Variants in KCNQ3 observed in about 807,000 individuals in gnomAD.
KCNQ3 encodes potassium voltage-gated channel subfamily Q member 3, also known as potassium voltage-gated channel subfamily KQT member 3.
KCNQ3 carries 30 observed loss-of-function variants against 92.5 expected under a neutral mutation model. The ratio of observed to expected loss-of-function variants is 0.32; its 90% CI spans 0.24 to 0.44. The LOEUF (loss-of-function observed/expected upper bound fraction) is 0.44, where lower values mean the gene tolerates loss of function less well. Ranked by LOEUF, KCNQ3 falls within the 20% of genes least tolerant of loss-of-function variation. The pLI, the probability that KCNQ3 is intolerant of heterozygous loss-of-function variation, is 1.00. For missense variants in KCNQ3, 913 were observed against 1,140.3 expected, an observed-to-expected ratio of 0.80 and a Z score of 2.87; for synonymous variants, 450 against 468.8, an observed-to-expected ratio of 0.96 and a Z score of 0.52.
chr8:132,286,336 C>A (rs560187596), intron 1 of KCNQ3, among the ~76,000 whole-genome samples: 1 of 152,336 alleles, frequency 6.6e-6, no homozygotes, highest in South Asian at 2.1e-4. Context: ...TTCCAGTGTG[C>A]TCAGGAGGCA....
intron 1 of KCNQ3, among the ~76,000 whole-genome samples, chr8:132,325,050 A>C (rs1489456098): frequency 6.7e-6 from 1 of 148,468 alleles, no homozygotes; most frequent in Non-Finnish European, 1.5e-5. Context: ...CCTCATTCCC[A>C]CTGTTTCTAG....
At chr8:132,246,917 T>C (rs961274483) in intron 1 of KCNQ3, among the ~76,000 whole-genome samples, 1 of 152,210 alleles carries the variant, frequency 6.6e-6, no homozygotes, top group Non-Finnish European at 1.5e-5. Context: ...ATAGGGAGAA[T>C]ACTGGCAGCC....
intron 1 of KCNQ3, among the ~76,000 whole-genome samples, chr8:132,343,713 G>A (rs962864778): frequency 2.6e-5 from 4 of 151,944 alleles, no homozygotes; most frequent in African/African-American, 7.3e-5. Flanking sequence ...AGAGATACTC[G>A]CTCCCTGATT....
intron 1 of KCNQ3, among the ~76,000 whole-genome samples, chr8:132,339,931 T>A (rs1818473134): frequency 6.6e-6 from 1 of 151,802 alleles, no homozygotes; most frequent in Non-Finnish European, 1.5e-5. Context: ...TAAAGAAATT[T>A]ACTCTTCTGA....
At chr8:132,262,908 T>G (rs897185296) in intron 1 of KCNQ3, among the ~76,000 whole-genome samples, 2 of 152,218 alleles carry the variant, frequency 1.3e-5, no homozygotes, top group African/African-American at 4.8e-5. Context: ...ATCCTTTAGA[T>G]GAATTGACTC....
At chr8:132,223,800 T>C (rs1281001012) in intron 1 of KCNQ3, among the ~76,000 whole-genome samples, 1 of 152,184 alleles carries the variant, frequency 6.6e-6, no homozygotes, top group African/African-American at 2.4e-5. Flanking sequence ...TCATGGATCT[T>C]ATTGACTTTG....
chr8:132,278,145 T>A, intron 1 of KCNQ3: 11 of 985,320 alleles, frequency 1.1e-5, no homozygotes, highest in Non-Finnish European at 1.3e-5. Context: ...GAATCCCCAT[T>A]TTGTACTCTG....
At chr8:132,394,568 T>G (rs1820142496) in intron 1 of KCNQ3, among the ~76,000 whole-genome samples, 1 of 151,942 alleles carries the variant, frequency 6.6e-6, no homozygotes, top group Admixed American at 6.6e-5. Context: ...TTGAAGGACC[T>G]GAGAGAACTT....
intron 1 of KCNQ3, among the ~76,000 whole-genome samples, chr8:132,206,243 C>T (rs765437388): frequency 6.6e-6 from 1 of 152,242 alleles, no homozygotes. Context: ...CCACAGCCTC[C>T]CAGCCCTCTA....
At chr8:132,221,524 G>A (rs1814237260) in intron 1 of KCNQ3, among the ~76,000 whole-genome samples, 2 of 152,134 alleles carry the variant, frequency 1.3e-5, no homozygotes, top group African/African-American at 4.8e-5. Flanking sequence ...GGTGTGAGAT[G>A]GTATCTCATT....
chr8:132,285,703 G>A (rs1000741255), intron 1 of KCNQ3, among the ~76,000 whole-genome samples: 1 of 152,176 alleles, frequency 6.6e-6, no homozygotes, highest in Non-Finnish European at 1.5e-5. Context: ...GGTTAGAAGG[G>A]AGCTAGGTAA....
chr8:132,182,008 GC>G (rs1826795548), intron 3 of KCNQ3, among the ~76,000 whole-genome samples: 1 of 148,732 alleles, frequency 6.7e-6, no homozygotes, highest in Non-Finnish European at 1.5e-5. Context: ...TCGTGCCACT[GC>G]ACTCCAGCCT....
In KCNQ3 at chr8:132,257,765, A is replaced by AG. The variant is rs1326751116; in HGVS notation, c.387-71585_387-71584insC. Among the ~76,000 whole-genome samples, 242 of 85,082 alleles carry AG rather than the reference A, an allele frequency of 2.8e-3. 1 individual carries two copies. Among genetic ancestry groups the AG allele is most frequent in the African/African-American group, 7.2e-3 (233 of 32,216 alleles). 55.8% of individuals were successfully genotyped at this position (85,082 alleles called of 152,430 possible). A position where few individuals can be genotyped will look rare whatever the true frequency, so the allele number is the denominator to read the frequency against. On this transcript the variant is annotated intron_variant, in intron 1 of 14. Coordinates refer to ENST00000388996, the MANE Select transcript of KCNQ3 (RefSeq NM_004519.4). ...CAGCTCAAAAAAAAAAAAAAAAAAA[A>AG]AGAGAGAGAGAGACAGTTTAGATTT...
chr8:132,388,038 AGAGGAAGAAGAAGAAGAAG>A (rs1819941730), intron 1 of KCNQ3, among the ~76,000 whole-genome samples: 1 of 151,096 alleles, frequency 6.6e-6, no homozygotes, highest in African/African-American at 2.4e-5. Flanking sequence ...AAGAAGAGGA[AGAGGAAGAAGAAGAAGAAG>A]AGAAGAAGAA....
chr8:132,248,616 T>G (rs1436656078), intron 1 of KCNQ3, among the ~76,000 whole-genome samples: 5 of 152,130 alleles, frequency 3.3e-5, no homozygotes, highest in Non-Finnish European at 7.4e-5. Flanking sequence ...ATAGCAGCAC[T>G]CCAATATCCT....
chr8:132,255,021 G>A (rs1563827544), intron 1 of KCNQ3, among the ~76,000 whole-genome samples: 1 of 150,828 alleles, frequency 6.6e-6, no homozygotes, highest in African/African-American at 2.4e-5. Flanking sequence ...CAAGCTGACT[G>A]TTTTTTTTTC....
chr8:132,311,925 G>A (rs1040768507), intron 1 of KCNQ3, among the ~76,000 whole-genome samples: 5 of 152,090 alleles, frequency 3.3e-5, no homozygotes, highest in South Asian at 2.1e-4. Flanking sequence ...CTGGAGTTGC[G>A]TGGGAACTAA....
At chr8:132,269,490 C>T (rs1816087086) in intron 1 of KCNQ3, among the ~76,000 whole-genome samples, 4 of 152,132 alleles carry the variant, frequency 2.6e-5, no homozygotes, top group African/African-American at 4.8e-5. Flanking sequence ...CATTGTATTG[C>T]CTTTTCTAGA....
In KCNQ3 at chr8:132,480,610, G is replaced by A; in HGVS notation, c.-78C>T. The A allele has an allele frequency of 3.4e-6, 4 of 1,169,502 alleles. No homozygotes were observed. The highest frequency in any genetic ancestry group is 4.3e-6 in the Non-Finnish European group (4 of 927,982). 72.4% of individuals were successfully genotyped at this position (1,169,502 alleles called of 1,614,324 possible). Reference sequence around the variant, plus strand: ...AGGGGCGCTCGGGGTGCGTGAACGAGGCGGCGGCGGCGGCTGCAAGCCCGG... The same window carrying A: ...AGGGGCGCTCGGGGTGCGTGAACGAAGCGGCGGCGGCGGCTGCAAGCCCGG... On this transcript the variant is annotated 5_prime_UTR_variant, in exon 1 of 15. Coordinates refer to ENST00000388996, the MANE Select transcript of KCNQ3 (RefSeq NM_004519.4).
Sources: gnomAD v4.1 joint callset for allele counts (sites outside exome capture counted in the v4.1 genomes callset) on GRCh38, gnomAD v4.1.1 for gene constraint, MANE v1.5 for transcripts, NCBI Gene and HGNC (gene_info 2026-07-23, HGNC 2026-07-21) for gene names.